Variants in EYS observed in about 807,000 individuals in gnomAD.
EYS encodes the protein protein eyes shut homolog.
In EYS, 250 loss-of-function variants were observed where a neutral mutation model predicts 282.1. That is an observed-to-expected ratio of 0.89 (90% CI 0.80 to 0.98). The LOEUF (loss-of-function observed/expected upper bound fraction) is 0.98. Ranked by LOEUF, EYS falls within the 50% of genes least tolerant of loss-of-function variation. The pLI is 0.00. For synonymous variants in EYS, 1,355 were observed against 1,282.9 expected (o/e 1.06, Z -1.20); for missense variants, 4,016 against 3,709.0 (o/e 1.08, Z -2.15).
intron 22 of EYS, among the ~76,000 whole-genome samples, chr6:64,636,455 A>T (rs1767984965): frequency 6.6e-6 from 1 of 152,236 alleles, no homozygotes; most frequent in African/African-American, 2.4e-5. Flanking sequence ...TGGATTAAAG[A>T]CTTACATGTT....
At chr6:65,116,885 T>C (rs975654757) in intron 12 of EYS, among the ~76,000 whole-genome samples, 3 of 97,096 alleles carry the variant, frequency 3.1e-5, no homozygotes, top group Admixed American at 1.0e-4. Flanking sequence ...GGAGAATATT[T>C]CCTGCCACCC....
chr6:64,883,389 TA>T (rs1225442719), intron 19 of EYS, among the ~76,000 whole-genome samples: 1 of 151,490 alleles, frequency 6.6e-6, no homozygotes, highest in African/African-American at 2.4e-5. Flanking sequence ...TCAAAGTTAT[TA>T]TTTCTGAGAT....
chr6:65,650,432 A>G (rs191379754), intron 1 of EYS, among the ~76,000 whole-genome samples: 2 of 152,302 alleles, frequency 1.3e-5, no homozygotes. Context: ...GTAACACAGT[A>G]GCCATATATT....
At chr6:64,866,533 G>T (rs1227847223) in intron 19 of EYS, among the ~76,000 whole-genome samples, 2 of 151,670 alleles carry the variant, frequency 1.3e-5, no homozygotes, top group Non-Finnish European at 3.0e-5. Flanking sequence ...GAATTTTTCT[G>T]CCTGTATTGA....
chr6:64,080,356 T>C (rs1288514934), intron 32 of EYS, among the ~76,000 whole-genome samples: 1 of 152,242 alleles, frequency 6.6e-6, no homozygotes, highest in East Asian at 1.9e-4. Context: ...ATAAATGTCT[T>C]CTTTTGAGAA....
At chr6:65,206,433 C>A (rs901181516) in intron 12 of EYS, among the ~76,000 whole-genome samples, 3 of 151,550 alleles carry the variant, frequency 2.0e-5, no homozygotes, top group Non-Finnish European at 4.4e-5. Flanking sequence ...CCAACAGATT[C>A]AGAGCTGATT....
intron 31 of EYS, among the ~76,000 whole-genome samples, chr6:64,114,943 A>G (rs1773326017): frequency 2.0e-5 from 3 of 152,254 alleles, no homozygotes; most frequent in South Asian, 4.1e-4. Flanking sequence ...CTGCAGCCCC[A>G]TACATGCCCC....
At chr6:65,311,087 G>T (rs1489694517) in intron 11 of EYS, among the ~76,000 whole-genome samples, 1 of 151,946 alleles carries the variant, frequency 6.6e-6, no homozygotes, top group East Asian at 1.9e-4. Context: ...GGGAATAAAA[G>T]AAAATAAGTA....
intron 39 of EYS, among the ~76,000 whole-genome samples, chr6:63,780,658 A>G (rs1770196352): frequency 6.6e-6 from 1 of 152,228 alleles, no homozygotes; most frequent in Non-Finnish European, 1.5e-5. Flanking sequence ...GCCTTTTGTC[A>G]GATGGGTAGA....
At chr6:64,794,542 T>C (rs997960093) in intron 22 of EYS, among the ~76,000 whole-genome samples, 5 of 152,200 alleles carry the variant, frequency 3.3e-5, no homozygotes, top group African/African-American at 9.7e-5. Context: ...GATGGTAAGT[T>C]TCCTGTGGCC....
rs201386117 is a variant in EYS at position 65,346,770 on chromosome 6, C to T, written c.1460-2593G>A. On this transcript the variant is annotated intron_variant, in intron 9 of 42. Transcript: ENST00000503581. ...AGACAACAAGAACATACTATGTAAA[C>T]GTTTCAACATTGTGAAATTTCAGAA... 4.0e-5 allele frequency among the ~76,000 whole-genome samples: 6 copies of T among 151,820 alleles called. No homozygotes were observed. The East Asian group carries it at 9.8e-4, about 25-fold the overall frequency.
At chr6:64,043,135 A>G (rs1405650267) in intron 33 of EYS, among the ~76,000 whole-genome samples, 1 of 152,244 alleles carries the variant, frequency 6.6e-6, no homozygotes, top group African/African-American at 2.4e-5. Context: ...AGTTTATGAC[A>G]TAGGTACTGA....
intron 30 of EYS, among the ~76,000 whole-genome samples, chr6:64,254,672 C>T (rs918252021): frequency 1.3e-5 from 2 of 152,020 alleles, no homozygotes; most frequent in Non-Finnish European, 2.9e-5. Context: ...AGCTGCTCAC[C>T]TGGGGTTTCT....
chr6:65,442,635 T>C (rs1768379847), intron 5 of EYS, among the ~76,000 whole-genome samples: 1 of 151,756 alleles, frequency 6.6e-6, no homozygotes, highest in Non-Finnish European at 1.5e-5. Context: ...ATGCATATAG[T>C]CCCAGGTATC....
intron 33 of EYS, among the ~76,000 whole-genome samples, chr6:64,065,071 T>C (rs1171865154): frequency 6.6e-6 from 1 of 152,204 alleles, no homozygotes; most frequent in Non-Finnish European, 1.5e-5. Context: ...GACACCCTCA[T>C]TTCTTCATTC....
At chr6:64,975,024 T>C (rs1346160301) in intron 14 of EYS, among the ~76,000 whole-genome samples, 1 of 151,876 alleles carries the variant, frequency 6.6e-6, no homozygotes, top group Non-Finnish European at 1.5e-5. Flanking sequence ...AGAATCAAAG[T>C]CATAATCAAT....
chr6:64,068,578 G>A (rs1771461063), intron 32 of EYS, among the ~76,000 whole-genome samples: 1 of 151,962 alleles, frequency 6.6e-6, no homozygotes, highest in African/African-American at 2.4e-5. Flanking sequence ...GTTAATGGGT[G>A]CAGCACACCA....
At chr6:65,029,833 G>T (rs1772540439) in intron 13 of EYS, among the ~76,000 whole-genome samples, 1 of 152,148 alleles carries the variant, frequency 6.6e-6, no homozygotes, top group African/African-American at 2.4e-5. Flanking sequence ...GGGGCTGAAT[G>T]GGGAGCAATC....
intron 29 of EYS, among the ~76,000 whole-genome samples, chr6:64,362,341 A>G (rs545514884): frequency 6.6e-6 from 1 of 151,940 alleles, no homozygotes; most frequent in East Asian, 1.9e-4. Flanking sequence ...TTAAAACACT[A>G]GAGTATACTT....
Sources: gnomAD v4.1 joint callset for allele counts (sites outside exome capture counted in the v4.1 genomes callset) on GRCh38, gnomAD v4.1.1 for gene constraint, MANE v1.5 for transcripts, NCBI Gene and HGNC (gene_info 2026-07-23, HGNC 2026-07-21) for gene names.